Variants in STK3 observed in about 807,000 individuals in gnomAD.
STK3 encodes serine/threonine kinase 3.
Under a neutral mutation model 58.0 loss-of-function variants are expected in STK3, and 41 were observed. That is an observed-to-expected ratio of 0.71 (90% CI 0.55 to 0.92). The LOEUF is 0.92. Ranked by LOEUF, STK3 falls within the 40% of genes least tolerant of loss-of-function variation. STK3 has a pLI of 0.00. For synonymous variants in STK3, 170 were observed against 191.0 expected, an observed-to-expected ratio of 0.89 and a Z score of 0.91; for missense variants, 479 against 602.7, an observed-to-expected ratio of 0.79 and a Z score of 2.15.
chr8:98,523,513 T>A (rs1221534446), intron 10 of STK3, among the ~76,000 whole-genome samples: 2 of 152,010 alleles, frequency 1.3e-5, no homozygotes, highest in Non-Finnish European at 2.9e-5. Flanking sequence ...TAGCTGGAAT[T>A]ACAAGCATGC....
At chr8:98,486,342 A>G (rs1326957886) in intron 10 of STK3, among the ~76,000 whole-genome samples, 1 of 152,228 alleles carries the variant, frequency 6.6e-6, no homozygotes, top group African/African-American at 2.4e-5. Context: ...AAACAGACAT[A>G]CAAACAACTA....
chr8:98,383,217 TTTCA>T (rs1307076810), intron 1 of STK3, among the ~76,000 whole-genome samples: 1 of 152,222 alleles, frequency 6.6e-6, no homozygotes, highest in African/African-American at 2.4e-5. Context: ...AGGCAATTCT[TTTCA>T]TTGTCATTCT....
intron 4 of STK3, among the ~76,000 whole-genome samples, chr8:98,719,649 G>A (rs1421660577): frequency 6.6e-6 from 1 of 152,192 alleles, no homozygotes; most frequent in Non-Finnish European, 1.5e-5. Flanking sequence ...TTCATGTAGA[G>A]GCAATCTTCA....
At chr8:98,689,093 G>GAAAT (rs1824213048) in intron 6 of STK3, among the ~76,000 whole-genome samples, 1 of 152,182 alleles carries the variant, frequency 6.6e-6, no homozygotes, top group Non-Finnish European at 1.5e-5. Context: ...GAAGCCCACA[G>GAAAT]AAATACAGCA....
At chr8:98,769,440 C>T (rs535816318) in intron 2 of STK3, among the ~76,000 whole-genome samples, 2 of 152,288 alleles carry the variant, frequency 1.3e-5, no homozygotes, top group South Asian at 4.1e-4. Flanking sequence ...TTGCCCGCTG[C>T]CATCCATGTA....
At chr8:98,376,754 C>A (rs761672068) in intron 2 of STK3, among the ~76,000 whole-genome samples, 3 of 152,258 alleles carry the variant, frequency 2.0e-5, no homozygotes, top group Non-Finnish European at 2.9e-5. Flanking sequence ...TGAAATATCT[C>A]TTAAAAAATA....
At chr8:98,398,962 G>T (rs1323867146), downstream of STK3, among the ~76,000 whole-genome samples, 2 of 152,156 alleles carry the variant, frequency 1.3e-5, no homozygotes, top group Non-Finnish European at 2.9e-5. Context: ...AATCTTCAAG[G>T]TGCTCTCTGT....
intron 1 of STK3, among the ~76,000 whole-genome samples, chr8:98,777,856 T>A (rs1297032237): frequency 6.6e-6 from 1 of 152,174 alleles, no homozygotes; most frequent in Non-Finnish European, 1.5e-5. Context: ...ATCCCTTCCT[T>A]ACACCTTATA....
chr8:98,444,311 C>A (rs1204093409), intron 1 of STK3, among the ~76,000 whole-genome samples: 1 of 152,226 alleles, frequency 6.6e-6, no homozygotes, highest in East Asian at 1.9e-4. Context: ...AAAGGAATGT[C>A]AAGAGATGAG....
At chr8:98,349,896 G>A in the STK3 span, among the ~76,000 whole-genome samples, 3 of 151,836 alleles carry the variant, frequency 2.0e-5, no homozygotes, top group Non-Finnish European at 4.4e-5. Flanking sequence ...AGGCCTCCAG[G>A]CCTGTGATGG....
At chr8:98,828,880 T>A (rs923118319), upstream of STK3, among the ~76,000 whole-genome samples, 1 of 152,226 alleles carries the variant, frequency 6.6e-6, no homozygotes, top group African/African-American at 2.4e-5. Context: ...AACTATGAGT[T>A]GATTGAAAGT....
At chr8:98,601,878 A>C (rs1816381340) in intron 6 of STK3, among the ~76,000 whole-genome samples, 6 of 152,188 alleles carry the variant, frequency 3.9e-5, no homozygotes, top group Admixed American at 3.9e-4. Context: ...CCCATAAAGA[A>C]AGAAATCACT....
At chr8:98,368,785 A>G (rs1375434678), downstream of STK3, among the ~76,000 whole-genome samples, 1 of 152,142 alleles carries the variant, frequency 6.6e-6, no homozygotes, top group African/African-American at 2.4e-5. Flanking sequence ...AGCAGACCTG[A>G]TTTCCAGCCC....
intron 10 of STK3, among the ~76,000 whole-genome samples, chr8:98,486,962 G>C (rs899715710): frequency 2.0e-5 from 3 of 152,078 alleles, no homozygotes; most frequent in Non-Finnish European, 4.4e-5. Flanking sequence ...TTTGTCTACT[G>C]CTGCTAAGAG....
the STK3 span, among the ~76,000 whole-genome samples, chr8:98,354,923 G>A: frequency 2.6e-5 from 4 of 152,048 alleles, no homozygotes; most frequent in African/African-American, 4.8e-5. Flanking sequence ...GATTGCAGTC[G>A]CCTGCAACCA....
chr8:98,692,498 T>C (rs952474353), intron 6 of STK3, among the ~76,000 whole-genome samples: 1 of 152,138 alleles, frequency 6.6e-6, no homozygotes, highest in Non-Finnish European at 1.5e-5. Flanking sequence ...TCTACTTATA[T>C]GAAATATTTA....
intron 1 of STK3, among the ~76,000 whole-genome samples, chr8:98,811,955 A>G (rs2442013): frequency 0.75 from 113,823 of 152,092 alleles, 42,845 homozygotes; most frequent in South Asian, 0.84. Flanking sequence ...GATTATAGGT[A>G]TGGGACACCA....
chr8:98,685,930 A>G (rs535594511), intron 6 of STK3, among the ~76,000 whole-genome samples: 80 of 152,332 alleles, frequency 5.3e-4, no homozygotes, highest in Admixed American at 9.1e-4. Context: ...ATGTAATGAC[A>G]AAATAATAAA....
intron 3 of STK3, among the ~76,000 whole-genome samples, chr8:98,433,411 C>A (rs1005732582): frequency 1.3e-5 from 2 of 152,112 alleles, no homozygotes; most frequent in Non-Finnish European, 2.9e-5. Context: ...TACATAGAGA[C>A]ACTTCTTGGC....
Sources: allele counts gnomAD v4.1 joint callset (sites outside exome capture counted in the v4.1 genomes callset), GRCh38; gene constraint gnomAD v4.1.1; transcripts MANE v1.5; gene names NCBI Gene and HGNC (gene_info 2026-07-23, HGNC 2026-07-21).